Variants in SLC43A2 observed in about 807,000 individuals in gnomAD.
SLC43A2 encodes the protein large neutral amino acids transporter small subunit 4.
Under a neutral mutation model 63.2 loss-of-function variants are expected in SLC43A2, and 38 were observed. The observed-to-expected ratio is 0.60, with a 90% CI of 0.46 to 0.79. The LOEUF is 0.79. SLC43A2 is among the 30% of genes least tolerant of loss of function. The probability of loss-of-function intolerance (pLI) is 0.00; values close to 1 mark genes in which losing one functional copy is unlikely to be tolerated. For missense variants in SLC43A2, 644 were observed against 756.2 expected (o/e 0.85, Z 1.74); for synonymous variants, 322 against 331.0 (o/e 0.97, Z 0.30).
intron 5 of SLC43A2, among the ~76,000 whole-genome samples, chr17:1,596,815 T>C (rs1271972965): frequency 2.0e-5 from 3 of 152,298 alleles, no homozygotes; most frequent in East Asian, 1.9e-4. Context: ...AAAGAAGATA[T>C]ACAAATGGCC....
In SLC43A2 at chr17:1,606,116, TCACC is replaced by T. The variant is rs1567636712; in HGVS notation, c.501+7075_501+7078del. 6.6e-6 allele frequency among the ~76,000 whole-genome samples: 1 copy of T among 152,042 alleles called. No individual in the cohort carries two copies. The highest frequency in any genetic ancestry group is 6.6e-5 in the Admixed American group (1 of 15,260). Reference sequence around the variant, plus strand: ...GGCACTGGGCACTGGCAAGTCCCGCTCACCAGGCACCTAGACCCTCCAGAGCTGG... The same window carrying T: ...GGCACTGGGCACTGGCAAGTCCCGCTAGGCACCTAGACCCTCCAGAGCTGG... On this transcript the variant is annotated intron_variant, in intron 5 of 13. Coordinates refer to ENST00000301335, the MANE Select transcript of SLC43A2 (RefSeq NM_152346.3). This position sits in a 1 kb window ranked among gnomAD's most constrained non-coding sequence, Gnocchi z 4.7.
rs142321350 is a variant in SLC43A2 at position 1,607,864 on chromosome 17, C to T, written c.501+5331G>A. Among the ~76,000 whole-genome samples, 300 of 152,150 alleles carry T rather than the reference C, an allele frequency of 2.0e-3. 1 individual carries two copies. Among genetic ancestry groups the T allele is most frequent in the African/African-American group, 6.8e-3 (284 of 41,500 alleles). On this transcript the variant is annotated intron_variant, in intron 5 of 13. Transcript: ENST00000301335. ...CTGAGTCGTGGGGACTACAGGCGCC[C>T]ACCACCACATCTGGCTAATTTTTGC...
intron 5 of SLC43A2, among the ~76,000 whole-genome samples, chr17:1,594,702 C>T (rs890111180): frequency 6.7e-6 from 1 of 148,898 alleles, no homozygotes; most frequent in Non-Finnish European, 1.5e-5. Context: ...ATTCTCCTGC[C>T]TCAGCCTCCC....
chr17:1,600,152 A>ATATATATATATATATATTTTTTTTTTTT (rs1216616243), intron 5 of SLC43A2, among the ~76,000 whole-genome samples: 2 of 60,270 alleles, frequency 3.3e-5, no homozygotes, highest in Non-Finnish European at 6.4e-5. Flanking sequence ...ATATATATAT[A>ATATATATATATATATATTTTTTTTTTTT]TTTTTTTTTT....
At chr17:1,625,148 T>G (rs1203514368) in intron 2 of SLC43A2, among the ~76,000 whole-genome samples, 2 of 152,158 alleles carry the variant, frequency 1.3e-5, no homozygotes, top group Admixed American at 6.6e-5. Flanking sequence ...GAGGACGTTG[T>G]GCAAAACCCA....
chr17:1,575,181 A>C lies in SLC43A2; in HGVS notation c.*423T>G. On this transcript the variant is annotated 3_prime_UTR_variant, in exon 14 of 14. Coordinates refer to ENST00000301335, the MANE Select transcript of SLC43A2 (RefSeq NM_152346.3). ...GGCCAGGCGCGGGCGAGACAGTGCA[A>C]GCCTTTGTCCTCAGGCAGGTACGGC... The C allele has an allele frequency of 3.8e-6, 1 of 264,184 alleles. No homozygotes were observed. Among genetic ancestry groups the C allele is most frequent in the Non-Finnish European group, 7.5e-6 (1 of 133,658 alleles). 16.4% of individuals were successfully genotyped at this position (264,184 alleles called of 1,614,324 possible).
intron 2 of SLC43A2, among the ~76,000 whole-genome samples, chr17:1,626,086 C>A (rs1181596784): frequency 1.3e-5 from 2 of 149,460 alleles, no homozygotes; most frequent in Non-Finnish European, 3.0e-5. Context: ...AAAAAAAAAA[C>A]ACACAAAAAA....
chr17:1,590,718 C>G, intron 9 of SLC43A2, 84 bp downstream of exon 9: 2 of 1,514,338 alleles, frequency 1.3e-6, no homozygotes, highest in Non-Finnish European at 1.8e-6. Flanking sequence ...TGGCCCGGCT[C>G]AGCTTAACAC....
Position 1,575,655 on chromosome 17 carries a change from G to A in SLC43A2, c.1659C>T (p.Asp553=). The change falls in exon 14 of 14, where the codon GAC becomes GAT. Residue 553 remains aspartate, a synonymous_variant. Coordinates refer to ENST00000301335, the MANE Select transcript of SLC43A2 (RefSeq NM_152346.3). ...AGCCGTTGATTTTGAGGAAGAGTTTGTCATCCTCCTGCCTCTGCTGCAGCT... is the reference window on the plus strand; with the variant it reads ...AGCCGTTGATTTTGAGGAAGAGTTTATCATCCTCCTGCCTCTGCTGCAGCT... ...ERQLQQRQED[D]KLFLKINGSS... The A allele has an allele frequency of 6.2e-7, 1 of 1,614,142 alleles. No homozygotes were observed.
Position 1,593,494 on chromosome 17 carries a change from G to A in SLC43A2, c.502-215C>T, listed in dbSNP as rs187855088. Among the ~76,000 whole-genome samples, 7 of 152,224 alleles carry A rather than the reference G, an allele frequency of 4.6e-5. No homozygotes were observed. Among genetic ancestry groups the A allele is most frequent in the Admixed American group, 4.6e-4 (7 of 15,298 alleles). ...TGGGGCCAAGGAGGGAGGTAATGCA[G>A]AATACAAGCAGTTGTCTGACTTTCC... On this transcript the variant is annotated intron_variant, in intron 5 of 13. Coordinates refer to ENST00000301335, the MANE Select transcript of SLC43A2 (RefSeq NM_152346.3). This position sits in a 1 kb window ranked among gnomAD's most constrained non-coding sequence, Gnocchi z 5.3.
At chr17:1,626,133 C>T (rs1164904257) in intron 2 of SLC43A2, among the ~76,000 whole-genome samples, 2 of 148,212 alleles carry the variant, frequency 1.3e-5, no homozygotes, top group Admixed American at 1.3e-4. Flanking sequence ...CTGGGTGAGA[C>T]ACTAAAAGCT....
In SLC43A2 at chr17:1,591,577, G is replaced by A. The variant is rs777426653; in HGVS notation, c.717C>T (p.Asp239=). 1.4e-5 allele frequency: 22 copies of A among 1,551,044 alleles called. No homozygotes were observed. The highest frequency in any genetic ancestry group is 1.9e-5 in the Non-Finnish European group (22 of 1,148,078). ...GCACCTCTACTTACGAGTAGTCCAT[G>A]TCCTCCGGCCCCGGGAAGGGCTCAA... is the stretch of plus-strand genomic sequence containing the variant. ...WPLEPFPGPE[D]MDYSVKIKFS... The change falls in exon 7 of 14, where the codon GAC becomes GAT. Residue 239 remains aspartate, a synonymous_variant. Coordinates refer to ENST00000301335, the MANE Select transcript of SLC43A2 (RefSeq NM_152346.3).
At chr17:1,587,085 A>ACATTGCGTTTCCCG in intron 9 of SLC43A2, 1 of 696,980 alleles carries the variant, frequency 1.4e-6, no homozygotes, top group South Asian at 2.0e-5. Context: ...TGCATTTCCC[A>ACATTGCGTTTCCCG]CACTGCGTTT....
chr17:1,615,133 A>G, intron 3 of SLC43A2, 99 bp from the exon 4 acceptor site: 2 of 1,432,162 alleles, frequency 1.4e-6, no homozygotes, highest in Middle Eastern at 1.7e-4. Flanking sequence ...CTTGAGACAG[A>G]GCCTTGCTCT....
chr17:1,578,274 G>A lies in SLC43A2; in HGVS notation c.1400C>T (p.Ala467Val), dbSNP rs766384882. 3 of 1,614,038 alleles carry A rather than the reference G, an allele frequency of 1.9e-6. No individual in the cohort carries two copies. Among genetic ancestry groups the A allele is most frequent in the Non-Finnish European group, 2.5e-6 (3 of 1,180,004 alleles). The change falls in exon 12 of 14, where the codon GCT becomes GTT. Residue 467 changes from alanine to valine, a missense_variant. Physicochemically the swap from Ala to Val is moderately conservative, Grantham distance 64. Around this residue, in one of 3 missense-constraint regions of SLC43A2, gnomAD observed 528 missense variants for 623.6 expected, o/e 0.85. Coordinates refer to ENST00000301335, the MANE Select transcript of SLC43A2 (RefSeq NM_152346.3). This position sits in a 1 kb window ranked among gnomAD's most constrained non-coding sequence, Gnocchi z 6.5. ...HTIVRGFIHS[A>V]VGGLYAAVYP... ...CACGGCAGCGTACAGGCCCCCGACA[G>A]CGGAGTGGATGAATCCTCGCACGAT...
intron 5 of SLC43A2, among the ~76,000 whole-genome samples, chr17:1,594,247 C>T (rs1002057687): frequency 9.2e-5 from 14 of 152,186 alleles, no homozygotes; most frequent in African/African-American, 3.4e-4. Flanking sequence ...CCAACGAAGC[C>T]ACTCTCGGCA....
At chr17:1,627,652 A>AACCCCCCCCCCCCCCAACCCCCCCC in intron 2 of SLC43A2, 63 bp downstream of exon 2, 1 of 227,124 alleles carries the variant, frequency 4.4e-6, no homozygotes, top group Non-Finnish European at 8.5e-6. Context: ...CTTCGCCCCC[A>AACCCCCCCCCCCCCCAACCCCCCCC]TCCCGCCCCC....
In SLC43A2 at chr17:1,578,178, C is replaced by T. The variant is rs1167106259; in HGVS notation, c.1424+72G>A. 8 of 1,482,234 alleles carry T rather than the reference C, an allele frequency of 5.4e-6. No individual in the cohort carries two copies. Among genetic ancestry groups the T allele is most frequent in the South Asian group, 1.1e-5 (1 of 87,890 alleles). 91.8% of individuals were successfully genotyped at this position (1,482,234 alleles called of 1,614,324 possible). On this transcript the variant is annotated intron_variant, in intron 12 of 13. Transcript: ENST00000301335. This position sits in a 1 kb window ranked among gnomAD's most constrained non-coding sequence, Gnocchi z 6.5. The stretch of plus-strand genomic sequence containing the variant: ...GCTGACCCTGCCTCAGAGTCTCAGT[C>T]CCACCAGCAACCTCCCCCCGGCCAT...
intron 5 of SLC43A2, among the ~76,000 whole-genome samples, chr17:1,609,604 G>T (rs1311115767): frequency 6.6e-6 from 1 of 152,166 alleles, no homozygotes; most frequent in Non-Finnish European, 1.5e-5. Flanking sequence ...AGAAATACAT[G>T]TACAGGGATG....
Sources: allele counts gnomAD v4.1 joint callset (sites outside exome capture counted in the v4.1 genomes callset), GRCh38; gene constraint gnomAD v4.1.1; regional missense constraint gnomAD v4.1.1; non-coding constraint Gnocchi (gnomAD v3.1); transcripts MANE v1.5; gene names NCBI Gene and HGNC (gene_info 2026-07-23, HGNC 2026-07-21).